C19orf81: variants seen among roughly 807,000 people sequenced by gnomAD.
C19orf81 encodes chromosome 19 open reading frame 81.
Under a neutral mutation model 22.1 loss-of-function variants are expected in C19orf81, and 19 were observed. The ratio of observed to expected loss-of-function variants is 0.86; its 90% CI spans 0.60 to 1.26. The LOEUF is 1.26. Ranked by LOEUF, C19orf81 falls within the 50% of genes most tolerant of loss-of-function variation. The pLI, the probability that C19orf81 is intolerant of heterozygous loss-of-function variation, is 0.00. For missense variants in C19orf81, 287 were observed against 280.7 expected, an observed-to-expected ratio of 1.02 and a Z score of -0.16; for synonymous variants, 108 against 113.1, an observed-to-expected ratio of 0.95 and a Z score of 0.29.
chr19:50,657,780 G>T (rs948595147), intron 3 of C19orf81, among the ~76,000 whole-genome samples: 3 of 152,188 alleles, frequency 2.0e-5, no homozygotes, highest in Non-Finnish European at 4.4e-5. Flanking sequence ...ATGACCTAGA[G>T]TGATAGTAGA....
At chr19:50,655,114 G>T (rs183196376) in intron 1 of C19orf81, among the ~76,000 whole-genome samples, 1 of 152,312 alleles carries the variant, frequency 6.6e-6, no homozygotes, top group Non-Finnish European at 1.5e-5. Context: ...TGAGAGCATG[G>T]TCACATGGCC....
chr19:50,656,855 G>A (rs1047693290), intron 3 of C19orf81, among the ~76,000 whole-genome samples: 4 of 151,974 alleles, frequency 2.6e-5, no homozygotes, highest in African/African-American at 9.7e-5. Flanking sequence ...GGGAGGCTGA[G>A]GCAGGAGAAT....
intron 2 of C19orf81, 39 bp from the exon 3 acceptor site, chr19:50,656,187 C>G: frequency 2.6e-6 from 4 of 1,536,124 alleles, no homozygotes; most frequent in Non-Finnish European, 3.5e-6. Flanking sequence ...GCAGTGAACC[C>G]TGACCTCAGA....
At chr19:50,655,275 G>A (rs1321205911) in intron 1 of C19orf81, among the ~76,000 whole-genome samples, 4 of 152,080 alleles carry the variant, frequency 2.6e-5, no homozygotes, top group Non-Finnish European at 5.9e-5. Context: ...AGCTGATGGT[G>A]GGGTGGTCAA....
At chr19:50,654,377 A>G (rs974990466) in intron 1 of C19orf81, among the ~76,000 whole-genome samples, 9 of 151,772 alleles carry the variant, frequency 5.9e-5, no homozygotes, top group Non-Finnish European at 7.4e-5. Context: ...ATCTTGGCTC[A>G]CTGCAACCTC....
intron 1 of C19orf81, among the ~76,000 whole-genome samples, chr19:50,653,186 C>T (rs71355161): frequency 0.014 from 2,066 of 152,108 alleles, 28 homozygotes; most frequent in Middle Eastern, 0.051. Flanking sequence ...TACAGGTGCG[C>T]GCTACCATGC....
At chr19:50,651,002 G>A (rs1337174769) in intron 1 of C19orf81, among the ~76,000 whole-genome samples, 1 of 152,198 alleles carries the variant, frequency 6.6e-6, no homozygotes, top group Non-Finnish European at 1.5e-5. Flanking sequence ...TTTCGATTTT[G>A]CTGTTTTCTT....
At chr19:50,650,608 C>T (rs899032928) in intron 1 of C19orf81, among the ~76,000 whole-genome samples, 12 of 152,092 alleles carry the variant, frequency 7.9e-5, no homozygotes, top group Non-Finnish European at 1.5e-4. Flanking sequence ...GAGGCAGAGG[C>T]TGCAGCGAGC....
At chr19:50,658,857 A>T in intron 4 of C19orf81, 90 bp from the exon 5 acceptor site, 8 of 1,173,262 alleles carry the variant, frequency 6.8e-6, no homozygotes, top group Non-Finnish European at 9.0e-6. Context: ...CCTGTAAACG[A>T]CTCCAGGGAC....
In C19orf81 at chr19:50,658,937, C is replaced by T. The variant is rs1985069968; in HGVS notation, c.402-10C>T. The T allele has an allele frequency of 2.7e-6, 4 of 1,461,230 alleles. No individual in the cohort carries two copies. Among genetic ancestry groups the T allele is most frequent in the South Asian group, 2.6e-5 (2 of 76,104 alleles). The allele number at this position is 1,461,230 out of a possible 1,614,324, so 90.5% of individuals were successfully genotyped here. ...TGCGAGTTCCTTTTCCGTCCCCACC[C>T]CCCTTACAGGTGGCTCATCGCGGTC... is the stretch of plus-strand genomic sequence containing the variant. On this transcript the variant is annotated splice_polypyrimidine_tract_variant and intron_variant, in intron 4 of 4. Transcript: ENST00000425202.
At chr19:50,651,037 T>C (rs920353275) in intron 1 of C19orf81, among the ~76,000 whole-genome samples, 3 of 152,200 alleles carry the variant, frequency 2.0e-5, no homozygotes, top group Non-Finnish European at 4.4e-5. Flanking sequence ...ACCAATCACA[T>C]TTTTTAGTTG....
chr19:50,658,114 T>G lies in C19orf81; in HGVS notation c.387T>G (p.Ala129=), dbSNP rs771781270. The change falls in exon 4 of 5, where the codon GCT becomes GCG. Residue 129 remains alanine, a synonymous_variant. Transcript: ENST00000425202. Reference sequence around the variant, plus strand: ...ACATGAACGTCATCTGTGGGACTGCTGGGCGCCGGAACCGGTGAGTAAGCG... The same window carrying G: ...ACATGAACGTCATCTGTGGGACTGCGGGGCGCCGGAACCGGTGAGTAAGCG... The part of the protein sequence containing the change: ...FENMNVICGT[A]GRRNRWLIAV... 3 of 1,530,828 alleles carry G rather than the reference T, an allele frequency of 2.0e-6. No individual in the cohort carries two copies. Among genetic ancestry groups the G allele is most frequent in the South Asian group, 2.4e-5 (2 of 83,748 alleles). The allele number at this position is 1,530,828 out of a possible 1,614,324, so 94.8% of individuals were successfully genotyped here.
rs1362145530 is a variant in C19orf81 at position 50,657,991 on chromosome 19, CGAG to C, written c.270_272del (p.Glu90del). ...GGTTCTCTCTCCGACACCCGCAGCC[CGAG>C]GAGGATTTTACCCACCTGGAGGTGC... On this transcript the variant is annotated inframe_deletion, in exon 4 of 5. Coordinates refer to ENST00000425202, the MANE Select transcript of C19orf81 (RefSeq NM_001195076.2). 10 of 1,527,438 alleles carry C rather than the reference CGAG, an allele frequency of 6.5e-6. No individual in the cohort carries two copies. In the South Asian group the frequency reaches 8.4e-5, roughly 13 times the overall value. The allele number at this position is 1,527,438 out of a possible 1,614,324, so 94.6% of individuals were successfully genotyped here.
chr19:50,649,654 T>A, intron 1 of C19orf81, 143 bp downstream of exon 1: 2 of 952,768 alleles, frequency 2.1e-6, no homozygotes, highest in African/African-American at 1.6e-5. Context: ...ATTCACCAGA[T>A]TCCTGGAGAG....
At chr19:50,656,192 C>G (rs1984990274) in intron 2 of C19orf81, 34 bp from the exon 3 acceptor site, 3 of 1,536,006 alleles carry the variant, frequency 2.0e-6, no homozygotes, top group Non-Finnish European at 2.6e-6. Flanking sequence ...GAACCCTGAC[C>G]TCAGAGGTCC....
chr19:50,658,383 TGG>T (rs58172623), intron 4 of C19orf81: 3 of 80,560 alleles, frequency 3.7e-5, no homozygotes, highest in African/African-American at 1.5e-4. Context: ...AGTGACAGCT[TGG>T]GGGGGCGGGG....
At position 50,658,189 on chromosome 19, in the gene C19orf81, G is replaced by A. The variant is rs576744038; in HGVS notation, c.401+61G>A. ...GGGAGGGGCGGGGCCCGGGGCGACCGGGTAAGAGCGTGGTTGGTTTTAGAG... is the reference window on the plus strand; with the variant it reads ...GGGAGGGGCGGGGCCCGGGGCGACCAGGTAAGAGCGTGGTTGGTTTTAGAG... On this transcript the variant is annotated intron_variant, in intron 4 of 4. Transcript: ENST00000425202. 5.4e-5 allele frequency: 79 copies of A among 1,462,676 alleles called. No individual in the cohort carries two copies. In the African/African-American group the frequency reaches 8.5e-4, roughly 16 times the overall value. 90.6% of individuals were successfully genotyped at this position (1,462,676 alleles called of 1,614,324 possible). A position where few individuals can be genotyped will look rare whatever the true frequency, so the allele number is the denominator to read the frequency against.
chr19:50,658,169 G>A, intron 4 of C19orf81, 41 bp downstream of exon 4: 1 of 1,508,488 alleles, frequency 6.6e-7, no homozygotes, highest in Non-Finnish European at 8.8e-7. Flanking sequence ...CGAGCGGGAG[G>A]GGCGGGGCCC....
At position 50,658,953 on chromosome 19, in the gene C19orf81, C is replaced by T; in HGVS notation, c.408C>T (p.Leu136=). The change falls in exon 5 of 5, where the codon CTC becomes CTT. Residue 136 remains leucine (L), a synonymous_variant. Transcript: ENST00000425202. The stretch of plus-strand genomic sequence containing the variant: ...GTCCCCACCCCCCTTACAGGTGGCT[C>T]ATCGCGGTCACGGACTTCCAGACGC... ...CGTAGRRNRW[L]IAVTDFQTRS... is the part of the protein sequence containing the mutation. The T allele has an allele frequency of 1.3e-6, 2 of 1,485,332 alleles. No individual in the cohort carries two copies. The highest frequency in any genetic ancestry group is 1.3e-5 in the South Asian group (1 of 79,006). The allele number at this position is 1,485,332 out of a possible 1,614,324, so 92.0% of individuals were successfully genotyped here.
Sources: allele counts gnomAD v4.1 joint callset (sites outside exome capture counted in the v4.1 genomes callset), GRCh38; gene constraint gnomAD v4.1.1; transcripts MANE v1.5; gene names NCBI Gene and HGNC (gene_info 2026-07-23, HGNC 2026-07-21).